The following CDH12 variants were observed in gnomAD, a reference collection of about 807,000 sequenced individuals.
The protein encoded by CDH12 is cadherin 12.
A neutral mutation model predicts 74.1 loss-of-function variants in CDH12; 41 were observed. The ratio of observed to expected loss-of-function variants is 0.55; its 90% confidence interval spans 0.43 to 0.72. The LOEUF (loss-of-function observed/expected upper bound fraction) is 0.72, where lower values mean the gene tolerates loss of function less well. Ranked by LOEUF, CDH12 falls within the 30% of genes least tolerant of loss-of-function variation. The pLI is 0.00. For synonymous variants in CDH12, 399 were observed against 355.0 expected (o/e 1.12, Z -1.39); for missense variants, 945 against 977.2 (o/e 0.97, Z 0.44).
At chr5:21,932,241 C>A (rs1754873507) in intron 6 of CDH12, among the ~76,000 whole-genome samples, 1 of 152,014 alleles carries the variant, frequency 6.6e-6, no homozygotes, top group African/African-American at 2.4e-5. Context: ...CACGCTATGG[C>A]CTAATAAAAG....
At chr5:22,576,745 G>T (rs1739807879) in intron 1 of CDH12, among the ~76,000 whole-genome samples, 1 of 152,084 alleles carries the variant, frequency 6.6e-6, no homozygotes, top group Admixed American at 6.6e-5. Flanking sequence ...ACAGAAAGTA[G>T]TTCAGTGGGG....
intron 6 of CDH12, among the ~76,000 whole-genome samples, chr5:21,880,600 CTT>C (rs1752238142): frequency 2.0e-5 from 1 of 48,844 alleles, no homozygotes; most frequent in African/African-American, 6.7e-5. Flanking sequence ...TCCTTCCTTC[CTT>C]CCTTCCTTCC....
At chr5:22,576,937 A>G (rs1739821628) in intron 1 of CDH12, among the ~76,000 whole-genome samples, 1 of 152,200 alleles carries the variant, frequency 6.6e-6, no homozygotes, top group South Asian at 2.1e-4. Context: ...CACATTTCTC[A>G]AAGGAATAAA....
intron 5 of CDH12, among the ~76,000 whole-genome samples, chr5:22,025,242 T>C (rs1738271014): frequency 6.6e-6 from 1 of 152,134 alleles, no homozygotes; most frequent in African/African-American, 2.4e-5. Context: ...AGCTTACTTT[T>C]TGGACTCTTT....
At position 22,256,232 on chromosome 5, in the gene CDH12, C is replaced by T. The variant is rs191065249; in HGVS notation, c.-332-43589G>A. 3.4e-3 allele frequency among the ~76,000 whole-genome samples: 524 copies of T among 152,196 alleles called. 5 individuals carry two copies. Among genetic ancestry groups the T allele is most frequent in the African/African-American group, 0.012 (493 of 41,558 alleles). On this transcript the variant is annotated intron_variant, in intron 3 of 14. Coordinates refer to ENST00000382254, the MANE Select transcript of CDH12 (RefSeq NM_004061.5). ...ATTGCAAAGTGTAAAATATTACTAT[C>T]GTACATCCATGTGCCACATAACAGT...
chr5:22,055,214 ACT>A (rs1378757664), intron 5 of CDH12, among the ~76,000 whole-genome samples: 2 of 152,134 alleles, frequency 1.3e-5, no homozygotes, highest in East Asian at 3.9e-4. Context: ...TCAGCACTTC[ACT>A]CTCTGCAGAG....
intron 2 of CDH12, among the ~76,000 whole-genome samples, chr5:22,423,420 G>C (rs921096280): frequency 6.6e-6 from 1 of 152,132 alleles, no homozygotes; most frequent in South Asian, 2.1e-4. Flanking sequence ...GTGCTCCAGA[G>C]TAGGTAATCC....
intron 6 of CDH12, among the ~76,000 whole-genome samples, chr5:21,956,217 A>G (rs902798165): frequency 6.6e-6 from 1 of 152,080 alleles, no homozygotes; most frequent in African/African-American, 2.4e-5. Flanking sequence ...TAATTAATAT[A>G]CTGAAATACA....
chr5:21,827,188 G>T (rs1748724161), intron 8 of CDH12, among the ~76,000 whole-genome samples: 1 of 152,104 alleles, frequency 6.6e-6, no homozygotes, highest in African/African-American at 2.4e-5. Flanking sequence ...CTGTTGACTT[G>T]GTTGTGCTGC....
intron 5 of CDH12, among the ~76,000 whole-genome samples, chr5:22,011,694 T>A (rs1005322734): frequency 5.3e-5 from 8 of 152,176 alleles, no homozygotes; most frequent in African/African-American, 1.9e-4. Flanking sequence ...CTAATTAATT[T>A]TATTTTATTT....
chr5:22,372,164 C>A (rs979819811), intron 3 of CDH12, among the ~76,000 whole-genome samples: 1 of 152,040 alleles, frequency 6.6e-6, no homozygotes, highest in Non-Finnish European at 1.5e-5. Flanking sequence ...GGAGGGAAAT[C>A]CAACAAGGCT....
chr5:21,778,466 CAAAAAAAAAAAA>C (rs70957061), intron 11 of CDH12, among the ~76,000 whole-genome samples: 2 of 52,614 alleles, frequency 3.8e-5, no homozygotes, highest in Non-Finnish European at 6.3e-5. Flanking sequence ...GCATATAAGC[CAAAAAAAAAAAA>C]AAAAAAAAAA....
At chr5:21,866,918 G>C (rs758562753) in intron 6 of CDH12, among the ~76,000 whole-genome samples, 1 of 152,108 alleles carries the variant, frequency 6.6e-6, no homozygotes, top group African/African-American at 2.4e-5. Context: ...CCTTTACTGT[G>C]TGCAGTTTAG....
chr5:22,303,559 T>C (rs1213656403), intron 3 of CDH12, among the ~76,000 whole-genome samples: 1 of 152,136 alleles, frequency 6.6e-6, no homozygotes, highest in African/African-American at 2.4e-5. Context: ...TTTTTAATTA[T>C]TGATATCACA....
chr5:22,566,409 T>C (rs1739285881), intron 1 of CDH12, among the ~76,000 whole-genome samples: 1 of 152,038 alleles, frequency 6.6e-6, no homozygotes, highest in Admixed American at 6.6e-5. Context: ...AGCTAAACTT[T>C]TTGTATTTTT....
chr5:22,691,651 A>G (rs1418642981), intron 1 of CDH12, among the ~76,000 whole-genome samples: 1 of 152,200 alleles, frequency 6.6e-6, no homozygotes, highest in Non-Finnish European at 1.5e-5. Context: ...CTGGGCCTAT[A>G]ATGCCTCCAG....
At chr5:22,207,758 C>G (rs1751296875) in intron 4 of CDH12, among the ~76,000 whole-genome samples, 1 of 152,082 alleles carries the variant, frequency 6.6e-6, no homozygotes, top group South Asian at 2.1e-4. Flanking sequence ...TAGTATGCCC[C>G]AAAATTCAAA....
chr5:22,852,294 A>G (rs994551631), intron 1 of CDH12, among the ~76,000 whole-genome samples: 13 of 152,010 alleles, frequency 8.6e-5, no homozygotes, highest in Non-Finnish European at 1.6e-4. Context: ...GTAGCAAAAA[A>G]CAAATAATGA....
At chr5:22,697,837 A>G (rs1185660153) in intron 1 of CDH12, among the ~76,000 whole-genome samples, 1 of 152,034 alleles carries the variant, frequency 6.6e-6, no homozygotes, top group African/African-American at 2.4e-5. Flanking sequence ...GAAAAGAAAG[A>G]GATACCTGAG....
Sources: gnomAD v4.1 joint callset for allele counts (sites outside exome capture counted in the v4.1 genomes callset) on GRCh38, gnomAD v4.1.1 for gene constraint, MANE v1.5 for transcripts, NCBI Gene and HGNC (gene_info 2026-07-23, HGNC 2026-07-21) for gene names.